The following FRMD6 variants were observed in gnomAD, a reference collection of about 807,000 sequenced individuals.
FRMD6 encodes the protein FERM domain-containing protein 6.
A neutral mutation model predicts 73.2 loss-of-function variants in FRMD6; 37 were observed. That is an observed-to-expected ratio of 0.51 (90% CI 0.39 to 0.66). The LOEUF is 0.66. Ranked by LOEUF, FRMD6 falls within the 30% of genes least tolerant of loss-of-function variation. The probability of loss-of-function intolerance (pLI) is 0.00; values close to 1 mark genes in which losing one functional copy is unlikely to be tolerated. For missense variants in FRMD6, 714 were observed against 780.5 expected, an observed-to-expected ratio of 0.91 and a Z score of 1.02; for synonymous variants, 273 against 282.2, an observed-to-expected ratio of 0.97 and a Z score of 0.33.
the FRMD6 span, among the ~76,000 whole-genome samples, chr14:51,426,152 C>A: frequency 6.6e-6 from 1 of 152,162 alleles, no homozygotes; most frequent in East Asian, 1.9e-4. Context: ...TCTCTGTCAC[C>A]ATTACTGCTT....
intron 2 of FRMD6, among the ~76,000 whole-genome samples, chr14:51,619,437 C>T (rs1033958130): frequency 2.0e-5 from 3 of 151,308 alleles, no homozygotes; most frequent in Non-Finnish European, 2.9e-5. Context: ...TCACCTTTAA[C>T]GGATCCGAGG....
At chr14:51,554,410 C>T (rs1887008625) in intron 1 of FRMD6, among the ~76,000 whole-genome samples, 1 of 152,104 alleles carries the variant, frequency 6.6e-6, no homozygotes, top group Non-Finnish European at 1.5e-5. Context: ...TAACTTCCTT[C>T]CAAAGAGTAT....
chr14:51,693,704 G>T (rs17252469), intron 2 of FRMD6, among the ~76,000 whole-genome samples: 40,892 of 152,042 alleles, frequency 0.27, 6,118 homozygotes, highest in Non-Finnish European at 0.33. Flanking sequence ...CATTTCATTA[G>T]TGTACTCTGT....
chr14:51,413,057 C>G, the FRMD6 span, among the ~76,000 whole-genome samples: 2 of 144,840 alleles, frequency 1.4e-5, no homozygotes, highest in African/African-American at 2.6e-5. Context: ...GTGGCGTGAT[C>G]TCAACTCACT....
At chr14:51,413,802 A>C in the FRMD6 span, among the ~76,000 whole-genome samples, 2 of 152,194 alleles carry the variant, frequency 1.3e-5, no homozygotes, top group Non-Finnish European at 2.9e-5. Context: ...CTATTTCTCC[A>C]CATCCTCTCC....
chr14:51,482,494 C>T, the FRMD6 span, among the ~76,000 whole-genome samples: 4 of 152,158 alleles, frequency 2.6e-5, no homozygotes, highest in Non-Finnish European at 4.4e-5. Context: ...ACCAGAGAGT[C>T]GGCATTGTGC....
At chr14:51,418,171 T>C in the FRMD6 span, among the ~76,000 whole-genome samples, 4 of 152,354 alleles carry the variant, frequency 2.6e-5, no homozygotes, top group East Asian at 5.8e-4. Context: ...GTCAAAATCA[T>C]TCTCCATCCA....
chr14:51,619,023 A>G (rs1484077807), intron 2 of FRMD6, among the ~76,000 whole-genome samples: 2 of 151,806 alleles, frequency 1.3e-5, no homozygotes, highest in Admixed American at 1.3e-4. Context: ...AAAAAATATA[A>G]TCAATCATTG....
chr14:51,577,937 T>C (rs1479663734), intron 2 of FRMD6, among the ~76,000 whole-genome samples: 2 of 152,216 alleles, frequency 1.3e-5, no homozygotes, highest in African/African-American at 4.8e-5. Flanking sequence ...TTTGTTCATC[T>C]CTACAACAGG....
chr14:51,612,787 T>G (rs776482110), intron 2 of FRMD6, among the ~76,000 whole-genome samples: 2 of 152,186 alleles, frequency 1.3e-5, no homozygotes, highest in Non-Finnish European at 2.9e-5. Context: ...TCTCTGGATA[T>G]TAAATAAACC....
intron 2 of FRMD6, among the ~76,000 whole-genome samples, chr14:51,646,698 T>C (rs1892091301): frequency 6.6e-6 from 1 of 151,150 alleles, no homozygotes; most frequent in African/African-American, 2.4e-5. Context: ...CCCTTTGTCC[T>C]GCCCTTCTGC....
chr14:51,666,187 A>G (rs1015776801), intron 1 of FRMD6, among the ~76,000 whole-genome samples: 4 of 152,352 alleles, frequency 2.6e-5, no homozygotes, highest in Non-Finnish European at 4.4e-5. Flanking sequence ...TAACATTTAT[A>G]TAATCCATTT....
chr14:51,415,235 T>C, the FRMD6 span, among the ~76,000 whole-genome samples: 2 of 152,220 alleles, frequency 1.3e-5, no homozygotes, highest in Non-Finnish European at 2.9e-5. Context: ...GTGCCAGTTT[T>C]CAAAGGGAAT....
the FRMD6 span, among the ~76,000 whole-genome samples, chr14:51,483,970 G>T: frequency 6.6e-6 from 1 of 152,184 alleles, no homozygotes; most frequent in Non-Finnish European, 1.5e-5. Flanking sequence ...CATAGCTGGG[G>T]CAGAGTAAGA....
At chr14:51,567,683 T>G (rs1462249552) in intron 1 of FRMD6, among the ~76,000 whole-genome samples, 1 of 152,234 alleles carries the variant, frequency 6.6e-6, no homozygotes, top group African/African-American at 2.4e-5. Flanking sequence ...TTTATTTGCC[T>G]TAATCACATC....
chr14:51,462,663 G>T, the FRMD6 span, among the ~76,000 whole-genome samples: 1 of 152,132 alleles, frequency 6.6e-6, no homozygotes, highest in African/African-American at 2.4e-5. Context: ...GGAAAGGCTT[G>T]GTCTTGGGCC....
the FRMD6 span, among the ~76,000 whole-genome samples, chr14:51,465,105 A>C: frequency 6.6e-6 from 1 of 152,210 alleles, no homozygotes; most frequent in African/African-American, 2.4e-5. Context: ...AAAACAGATA[A>C]TGCAAGGGAC....
intron 1 of FRMD6, among the ~76,000 whole-genome samples, chr14:51,549,595 C>CTTTTTTTTTTTTTTTTTTT (rs35356416): frequency 2.0e-5 from 2 of 98,010 alleles, no homozygotes; most frequent in East Asian, 3.0e-4. Flanking sequence ...TTTTTTCTTT[C>CTTTTTTTTTTTTTTTTTTT]TTTTTTTTTT....
At chr14:51,545,426 C>T (rs1886415266) in intron 1 of FRMD6, among the ~76,000 whole-genome samples, 1 of 152,058 alleles carries the variant, frequency 6.6e-6, no homozygotes, top group Non-Finnish European at 1.5e-5. Flanking sequence ...TAGTTTCCTG[C>T]AGTGGTGGAC....
Sources: allele counts gnomAD v4.1 joint callset (sites outside exome capture counted in the v4.1 genomes callset), GRCh38; gene constraint gnomAD v4.1.1; transcripts MANE v1.5; gene names NCBI Gene and HGNC (gene_info 2026-07-23, HGNC 2026-07-21).